ADARB2: variants seen among roughly 807,000 people sequenced by gnomAD.
ADARB2 encodes the protein inactive double-stranded RNA-specific editase B2.
Under a neutral mutation model 62.2 loss-of-function variants are expected in ADARB2, and 25 were observed. The ratio of observed to expected loss-of-function variants is 0.40; its 90% CI spans 0.29 to 0.56. ADARB2 has a LOEUF of 0.56. ADARB2 is among the 20% of genes least tolerant of loss of function. The pLI is 0.43. For missense variants in ADARB2, 1,071 were observed against 1,077.4 expected (o/e 0.99, Z 0.08); for synonymous variants, 572 against 500.8 (o/e 1.14, Z -1.90).
At chr10:1,282,275 G>A (rs915948788) in intron 3 of ADARB2, among the ~76,000 whole-genome samples, 1 of 152,264 alleles carries the variant, frequency 6.6e-6, no homozygotes, top group South Asian at 2.1e-4. Flanking sequence ...CCACAAACCC[G>A]TCTTACTGAT....
intron 1 of ADARB2, among the ~76,000 whole-genome samples, chr10:1,658,757 A>G (rs1027387563): frequency 5.3e-5 from 8 of 152,230 alleles, no homozygotes; most frequent in African/African-American, 1.9e-4. Flanking sequence ...CAAGACTTTG[A>G]AGCAAGAGCC....
intron 2 of ADARB2, among the ~76,000 whole-genome samples, chr10:1,375,062 C>T (rs896452307): frequency 3.9e-5 from 6 of 152,086 alleles, no homozygotes; most frequent in African/African-American, 1.4e-4. Flanking sequence ...AGACTCGTCA[C>T]GCAGGACCCC....
At chr10:1,302,923 G>C (rs1589185754) in intron 3 of ADARB2, among the ~76,000 whole-genome samples, 2 of 152,184 alleles carry the variant, frequency 1.3e-5, no homozygotes, top group East Asian at 3.9e-4. Flanking sequence ...CCACAAAGAT[G>C]GGGAAAAAAC....
At chr10:1,281,131 A>G (rs1336496822) in intron 3 of ADARB2, among the ~76,000 whole-genome samples, 1 of 152,222 alleles carries the variant, frequency 6.6e-6, no homozygotes, top group African/African-American at 2.4e-5. Context: ...TCTGCACCAT[A>G]ACTCATGATT....
At position 1,337,931 on chromosome 10, in the gene ADARB2, A is replaced by ACGC. The variant is rs201213047; in HGVS notation, c.1077+25096_1077+25097insGCG. Among the ~76,000 whole-genome samples, 69 of 152,254 alleles carry ACGC rather than the reference A, an allele frequency of 4.5e-4. No homozygotes were observed. In the East Asian group the frequency reaches 7.3e-3, roughly 16 times the overall value. ...CTTCTTCACCTCGTGCACACTATAC[A>ACGC]CACTGGATGCTCTGCTGAAGTTGTG... On this transcript the variant is annotated intron_variant, in intron 3 of 9. Coordinates refer to ENST00000381312, the MANE Select transcript of ADARB2 (RefSeq NM_018702.4).
At chr10:1,512,634 T>C (rs928967806) in intron 1 of ADARB2, among the ~76,000 whole-genome samples, 36 of 152,236 alleles carry the variant, frequency 2.4e-4, no homozygotes, top group Non-Finnish European at 1.8e-4. Context: ...CAAGAGCACA[T>C]GATTCTGAAG....
chr10:1,511,260 A>G (rs1244053782), intron 1 of ADARB2, among the ~76,000 whole-genome samples: 2 of 152,222 alleles, frequency 1.3e-5, no homozygotes, highest in Non-Finnish European at 2.9e-5. Context: ...TGTTCAACGG[A>G]TAGATTATGT....
intron 1 of ADARB2, among the ~76,000 whole-genome samples, chr10:1,553,854 G>A (rs1031097567): frequency 6.6e-6 from 1 of 152,280 alleles, no homozygotes; most frequent in South Asian, 2.1e-4. Context: ...ATTTCCCATC[G>A]CCCCAAACAC....
chr10:1,484,401 C>A (rs1831516993), intron 1 of ADARB2, among the ~76,000 whole-genome samples: 1 of 152,214 alleles, frequency 6.6e-6, no homozygotes, highest in African/African-American at 2.4e-5. Flanking sequence ...TGTGCCGCTG[C>A]CACCCCAGGC....
chr10:1,403,927 T>C (rs1832685517), intron 1 of ADARB2, among the ~76,000 whole-genome samples: 1 of 152,200 alleles, frequency 6.6e-6, no homozygotes, highest in East Asian at 1.9e-4. Flanking sequence ...TGGGTGTGTC[T>C]GCAGGGCACT....
At chr10:1,447,106 G>A (rs541116880) in intron 1 of ADARB2, among the ~76,000 whole-genome samples, 10 of 152,306 alleles carry the variant, frequency 6.6e-5, no homozygotes, top group East Asian at 1.9e-4. Flanking sequence ...TTTACTCAAA[G>A]CATCTTAAGG....
At chr10:1,659,581 G>A (rs1401084260) in intron 1 of ADARB2, among the ~76,000 whole-genome samples, 1 of 152,252 alleles carries the variant, frequency 6.6e-6, no homozygotes, top group Non-Finnish European at 1.5e-5. Context: ...AGAACGATGA[G>A]GCTGGAATAC....
At chr10:1,685,975 C>A (rs1380218014) in intron 1 of ADARB2, among the ~76,000 whole-genome samples, 1 of 152,252 alleles carries the variant, frequency 6.6e-6, no homozygotes, top group Non-Finnish European at 1.5e-5. Context: ...ACTCCCACAC[C>A]CACTCCAGTG....
At chr10:1,488,824 G>T (rs1199603645) in intron 1 of ADARB2, among the ~76,000 whole-genome samples, 1 of 151,760 alleles carries the variant, frequency 6.6e-6, no homozygotes. Flanking sequence ...GCATATCTGC[G>T]GTCCTTGACG....
At chr10:1,718,505 T>C (rs1835050045) in intron 1 of ADARB2, among the ~76,000 whole-genome samples, 1 of 152,202 alleles carries the variant, frequency 6.6e-6, no homozygotes, top group South Asian at 2.1e-4. Context: ...CATGCCTCCG[T>C]GTGAGTCCAC....
chr10:1,726,358 T>C (rs1835163968), intron 1 of ADARB2, among the ~76,000 whole-genome samples: 1 of 147,770 alleles, frequency 6.8e-6, no homozygotes, highest in Non-Finnish European at 1.5e-5. Context: ...TCCAAAGTTA[T>C]CTAATAAGAT....
intron 1 of ADARB2, among the ~76,000 whole-genome samples, chr10:1,673,694 C>T (rs941323493): frequency 1.3e-4 from 20 of 152,184 alleles, no homozygotes; most frequent in African/African-American, 4.3e-4. Flanking sequence ...GCGAATCCCT[C>T]CAATGGAGTC....
intron 7 of ADARB2, among the ~76,000 whole-genome samples, chr10:1,203,838 T>G (rs1379933229): frequency 6.6e-6 from 1 of 152,130 alleles, no homozygotes. Context: ...CAAAGTGGGA[T>G]GTCTGGGCCA....
intron 1 of ADARB2, among the ~76,000 whole-genome samples, chr10:1,506,798 G>A (rs1401148407): frequency 6.6e-6 from 1 of 152,256 alleles, no homozygotes; most frequent in Non-Finnish European, 1.5e-5. Flanking sequence ...ATTAGGAGGT[G>A]GAGTCTTTGG....
Sources: gnomAD v4.1 joint callset for allele counts (sites outside exome capture counted in the v4.1 genomes callset) on GRCh38, gnomAD v4.1.1 for gene constraint, MANE v1.5 for transcripts, NCBI Gene and HGNC (gene_info 2026-07-23, HGNC 2026-07-21) for gene names.